Variants in ZSWIM4 observed in about 807,000 individuals in gnomAD.
ZSWIM4 encodes the protein zinc finger SWIM-type containing 4.
ZSWIM4 carries 62 observed loss-of-function variants against 102.5 expected under a neutral mutation model. The ratio of observed to expected loss-of-function variants is 0.60; its 90% confidence interval spans 0.49 to 0.75. The LOEUF is 0.75. Ranked by LOEUF, ZSWIM4 falls within the 30% of genes least tolerant of loss-of-function variation. The pLI is 0.00. For missense variants in ZSWIM4, 1,280 were observed against 1,529.6 expected, an observed-to-expected ratio of 0.84 and a Z score of 2.72; for synonymous variants, 652 against 674.5, an observed-to-expected ratio of 0.97 and a Z score of 0.52.
chr19:13,819,370 T>A lies in ZSWIM4; in HGVS notation c.1938T>A (p.Ser646Arg). Residue 646 changes from serine to arginine, a missense_variant, in exon 10 of 14, where the codon AGT (serine) becomes AGA (arginine). Transcript: ENST00000590508. ...AGLLLEGGPF[S>R]GFGEVLFRES... ...CTGTTCCTGCAGGGGGTCCCTTCAGTGGCTTTGGGGAGGTGCTGTTCCGGG... is the reference window on the plus strand; with the variant it reads ...CTGTTCCTGCAGGGGGTCCCTTCAGAGGCTTTGGGGAGGTGCTGTTCCGGG... The A allele has an allele frequency of 4.3e-6, 7 of 1,613,932 alleles. No individual in the cohort carries two copies. The highest frequency in any genetic ancestry group is 5.9e-6 in the Non-Finnish European group (7 of 1,179,932).
intron 10 of ZSWIM4, among the ~76,000 whole-genome samples, chr19:13,821,473 G>T (rs112044134): frequency 2.5e-4 from 38 of 152,070 alleles, no homozygotes; most frequent in Non-Finnish European, 4.6e-4. Flanking sequence ...ATTCAAGGCT[G>T]TAGTGATCTA....
At position 13,808,859 on chromosome 19, in the gene ZSWIM4, G is replaced by A. The variant is rs767383130; in HGVS notation, c.736G>A (p.Ala246Thr). 1.9e-6 allele frequency: 3 copies of A among 1,609,248 alleles called. No homozygotes were observed. The highest frequency in any genetic ancestry group is 2.2e-5 in the East Asian group (1 of 44,718). The change falls in exon 4 of 14, where the codon GCA becomes ACA. Residue 246 changes from alanine to threonine, a missense_variant. Physicochemically the swap from Ala to Thr is moderately conservative, Grantham distance 58. Transcript: ENST00000590508. Reference protein sequence around the residue: ...VNGAPDPTAGAGIEDANCWHL... With the variant: ...VNGAPDPTAGTGIEDANCWHL... The stretch of plus-strand genomic sequence containing the variant: ...AGGTGCCCCAGACCCCACCGCCGGC[G>A]CAGGAATCGAGGACGCCAACTGCTG...
In ZSWIM4 at chr19:13,817,981, G is replaced by T; in HGVS notation, c.1924+5G>T. 6.7e-7 allele frequency: 1 copy of T among 1,498,270 alleles called. No homozygotes were observed. The allele number at this position is 1,498,270 out of a possible 1,614,324, so 92.8% of individuals were successfully genotyped here. A position where few individuals can be genotyped will look rare whatever the true frequency, so the allele number is the denominator to read the frequency against. On this transcript the variant is annotated splice_donor_5th_base_variant and intron_variant, in intron 9 of 13. Coordinates refer to ENST00000590508, the MANE Select transcript of ZSWIM4 (RefSeq NM_001367834.3). ...AGGCGGGGCTGCTGCTGGAAGGTGA[G>T]GCCGCGCCCCTAGGCCTGGCTGTTG...
At position 13,808,782 on chromosome 19, in the gene ZSWIM4, A is replaced by ACCCAAC. The variant is rs1974986967; in HGVS notation, c.713-47_713-42dup. Reference sequence around the variant, plus strand: ...AAAAAGGACAGCTCTCCTCAACCCAACCCAACCCCAACTCCAGCCCCAGCC... The same window carrying ACCCAAC: ...AAAAAGGACAGCTCTCCTCAACCCAACCCAACCCCAACCCCAACTCCAGCCCCAGCC... On this transcript the variant is annotated intron_variant, in intron 3 of 13. Transcript: ENST00000590508. 10 of 1,487,720 alleles carry ACCCAAC rather than the reference A, an allele frequency of 6.7e-6. No homozygotes were observed. In the South Asian group the frequency reaches 1.3e-4, roughly 19 times the overall value. 92.2% of individuals were successfully genotyped at this position (1,487,720 alleles called of 1,614,324 possible).
At chr19:13,827,705 G>T (rs1050661251) in intron 12 of ZSWIM4, among the ~76,000 whole-genome samples, 1 of 152,038 alleles carries the variant, frequency 6.6e-6, no homozygotes, top group Non-Finnish European at 1.5e-5. Flanking sequence ...GATTGGAGCC[G>T]TTGTAGTGTG....
intron 10 of ZSWIM4, among the ~76,000 whole-genome samples, chr19:13,821,376 T>A (rs1315945631): frequency 6.6e-6 from 1 of 151,794 alleles, no homozygotes; most frequent in African/African-American, 2.4e-5. Flanking sequence ...CAGAGGTACC[T>A]ATAAACAACT....
At chr19:13,823,286 C>T (rs1975516083) in intron 10 of ZSWIM4, 60 bp from the exon 11 acceptor site, 1 of 1,556,124 alleles carries the variant, frequency 6.4e-7, no homozygotes. Context: ...TTCTCTGTCT[C>T]CTAGAGAGAA....
chr19:13,814,935 T>C (rs1975228819), intron 7 of ZSWIM4, 70 bp downstream of exon 7: 1 of 983,912 alleles, frequency 1.0e-6, no homozygotes, highest in Non-Finnish European at 1.3e-6. Flanking sequence ...GGTGGGAGGA[T>C]TGCTTGAGGC....
chr19:13,824,991 A>G (rs998057041), intron 11 of ZSWIM4, among the ~76,000 whole-genome samples: 1 of 151,290 alleles, frequency 6.6e-6, no homozygotes, highest in African/African-American at 2.4e-5. Flanking sequence ...TGTGCAACCA[A>G]TGCCCTTGAG....
At chr19:13,803,997 G>A (rs1370348490) in intron 2 of ZSWIM4, among the ~76,000 whole-genome samples, 2 of 148,746 alleles carry the variant, frequency 1.3e-5, no homozygotes, top group Non-Finnish European at 3.0e-5. Flanking sequence ...GAGTAGCTGG[G>A]ATTACAGGCG....
chr19:13,806,808 G>A (rs1482450719), intron 3 of ZSWIM4, among the ~76,000 whole-genome samples: 1 of 152,060 alleles, frequency 6.6e-6, no homozygotes, highest in Admixed American at 6.6e-5. Flanking sequence ...AAGAATGAAA[G>A]ATCCAATGGG....
At chr19:13,824,907 G>A (rs565105483) in intron 11 of ZSWIM4, among the ~76,000 whole-genome samples, 1 of 152,182 alleles carries the variant, frequency 6.6e-6, no homozygotes, top group Admixed American at 6.5e-5. Context: ...AGGGCACAGA[G>A]AGGTGAAGTG....
Position 13,809,003 on chromosome 19 carries a change from G to C in ZSWIM4, c.861+19G>C, listed in dbSNP as rs1437888275. 1.2e-6 allele frequency: 2 copies of C among 1,609,348 alleles called. No homozygotes were observed. The highest frequency in any genetic ancestry group is 3.3e-5 in the Admixed American group (2 of 59,732). On this transcript the variant is annotated intron_variant, in intron 4 of 13. Transcript: ENST00000590508. The surrounding 1 kb of genome is among the most constrained non-coding windows in gnomAD (Gnocchi z 4.2). ...CAGCAAGGTGCCGTGCGGGCCGGCG[G>C]GGCGCGGGGTGCAGAAGGCCCCGGC...
intron 7 of ZSWIM4, among the ~76,000 whole-genome samples, chr19:13,816,833 G>T (rs980616906): frequency 2.0e-5 from 3 of 152,122 alleles, no homozygotes; most frequent in African/African-American, 7.2e-5. Context: ...GTCCTTGGGG[G>T]CCCTAAAGGC....
intron 2 of ZSWIM4, among the ~76,000 whole-genome samples, chr19:13,801,203 G>C (rs536369326): frequency 6.6e-6 from 1 of 152,074 alleles, no homozygotes; most frequent in African/African-American, 2.4e-5. Context: ...GACAAGGGTA[G>C]AGGTTGAGAC....
At chr19:13,819,335 T>C (rs1428174113) in intron 9 of ZSWIM4, 22 bp from the exon 10 acceptor site, 1 of 1,613,384 alleles carries the variant, frequency 6.2e-7, no homozygotes, top group Non-Finnish European at 8.5e-7. Flanking sequence ...ACTTGGGGAC[T>C]GAGCTCAGGC....
At chr19:13,829,460 A>G (rs1975697632) in intron 13 of ZSWIM4, among the ~76,000 whole-genome samples, 1 of 152,062 alleles carries the variant, frequency 6.6e-6, no homozygotes, top group Non-Finnish European at 1.5e-5. Context: ...ATGTGGTGGC[A>G]GGTGCCTGTA....
chr19:13,827,649 C>A (rs1319919738), intron 12 of ZSWIM4, among the ~76,000 whole-genome samples: 3 of 144,196 alleles, frequency 2.1e-5, no homozygotes, highest in South Asian at 4.4e-4. Context: ...CCAGCTAGAA[C>A]AAACAAGGGC....
chr19:13,816,805 T>C (rs1457640129), intron 7 of ZSWIM4, among the ~76,000 whole-genome samples: 1 of 152,018 alleles, frequency 6.6e-6, no homozygotes, highest in African/African-American at 2.4e-5. Context: ...CACCAGTATA[T>C]GGAAAAACTT....
Sources: allele counts gnomAD v4.1 joint callset (sites outside exome capture counted in the v4.1 genomes callset), GRCh38; gene constraint gnomAD v4.1.1; non-coding constraint Gnocchi (gnomAD v3.1); transcripts MANE v1.5; gene names NCBI Gene and HGNC (gene_info 2026-07-23, HGNC 2026-07-21).